DMD: variants seen among roughly 807,000 people sequenced by gnomAD.
The protein encoded by DMD is dystrophin.
In DMD, 63 loss-of-function variants were observed where a neutral mutation model predicts 330.1. The ratio of observed to expected loss-of-function variants is 0.19; its 90% CI spans 0.16 to 0.24. The LOEUF (loss-of-function observed/expected upper bound fraction) is 0.24. Ranked by LOEUF, DMD falls within the 10% of genes least tolerant of loss-of-function variation. The pLI is 1.00. For missense variants in DMD, 3,344 were observed against 2,684.1 expected, an observed-to-expected ratio of 1.25 and a Z score of -5.43; for synonymous variants, 1,223 against 959.8, an observed-to-expected ratio of 1.27 and a Z score of -5.07.
chrX:32,705,798 C>A (rs1383776965), intron 7 of DMD, among the ~76,000 whole-genome samples: 4 of 111,428 alleles, frequency 3.6e-5, no homozygotes, highest in African/African-American at 1.3e-4. Context: ...AGCATTTTTT[C>A]ATGTGTTTTT....
At chrX:31,179,698 T>C (rs766813372) in intron 69 of DMD, among the ~76,000 whole-genome samples, 1 of 111,792 alleles carries the variant, frequency 8.9e-6, no homozygotes, top group African/African-American at 3.2e-5. Context: ...ATCCTTGCCA[T>C]TTCCCTAGTG....
chrX:33,260,493 G>A (rs749255440), intron 1 of DMD, among the ~76,000 whole-genome samples: 13 of 110,437 alleles, frequency 1.2e-4, no homozygotes, highest in African/African-American at 4.3e-4. Flanking sequence ...TAAAATTAGC[G>A]AAGACAAGAG....
intron 7 of DMD, among the ~76,000 whole-genome samples, chrX:32,736,315 G>A (rs2068477216): frequency 9.0e-6 from 1 of 111,467 alleles, no homozygotes; most frequent in African/African-American, 3.3e-5. Context: ...TTCACTGTTG[G>A]TGGGACTGTA....
intron 1 of DMD, among the ~76,000 whole-genome samples, chrX:33,310,849 T>C (rs2053837380): frequency 9.0e-6 from 1 of 111,203 alleles, no homozygotes; most frequent in South Asian, 3.7e-4. Flanking sequence ...AAAATTTTTA[T>C]AGCTGTAATG....
chrX:32,132,993 C>CT lies in DMD; in HGVS notation c.6438+83922dup, dbSNP rs377615262. ...TCTCATTGATCACTCCTTTTCTTTT[C>CT]TTTTTTTTTTTTTTTTTTTTTTTTT... On this transcript the variant is annotated intron_variant, in intron 44 of 78. Transcript: ENST00000357033. 5.1e-3 allele frequency among the ~76,000 whole-genome samples: 389 copies of CT among 75,726 alleles called. 7 individuals carry two copies. Among genetic ancestry groups the CT allele is most frequent in the Non-Finnish European group, 6.6e-3 (297 of 44,682 alleles). 65.8% of individuals were successfully genotyped at this position (75,726 alleles called of 115,157 possible). A position where few individuals can be genotyped will look rare whatever the true frequency, so the allele number is the denominator to read the frequency against.
At chrX:31,480,724 T>TA (rs985061709) in intron 57 of DMD, among the ~76,000 whole-genome samples, 1 of 111,011 alleles carries the variant, frequency 9.0e-6, no homozygotes, top group Admixed American at 9.7e-5. Context: ...TTACTAATTA[T>TA]AAAAATAATA....
chrX:32,119,101 G>A (rs1030904733), intron 44 of DMD, among the ~76,000 whole-genome samples: 2 of 110,530 alleles, frequency 1.8e-5, no homozygotes, highest in Admixed American at 9.6e-5. Flanking sequence ...AAAGGAAAGC[G>A]GGCAGATCAC....
At chrX:31,123,282 T>TATC (rs1302162031) in intron 78 of DMD, among the ~76,000 whole-genome samples, 4 of 112,396 alleles carry the variant, frequency 3.6e-5, no homozygotes, top group African/African-American at 6.4e-5. Flanking sequence ...TTTGTATATC[T>TATC]ATCTTTTTGT....
At chrX:32,775,679 T>A (rs1329223386) in intron 7 of DMD, among the ~76,000 whole-genome samples, 1 of 113,035 alleles carries the variant, frequency 8.8e-6, no homozygotes, top group African/African-American at 3.2e-5. Flanking sequence ...GCCTTGGGCC[T>A]GGCCCACCAA....
intron 1 of DMD, among the ~76,000 whole-genome samples, chrX:33,198,596 G>A (rs1042658305): frequency 1.8e-5 from 2 of 111,374 alleles, no homozygotes; most frequent in African/African-American, 6.5e-5. Flanking sequence ...CTGTAATTAT[G>A]TTCATTAAAG....
intron 51 of DMD, among the ~76,000 whole-genome samples, chrX:31,738,605 T>C (rs1488907871): frequency 8.9e-6 from 1 of 112,074 alleles, no homozygotes; most frequent in Non-Finnish European, 1.9e-5. Flanking sequence ...AATCAGTATA[T>C]TGAAGAGATA....
intron 1 of DMD, among the ~76,000 whole-genome samples, chrX:33,021,699 T>A (rs1186041264): frequency 1.8e-5 from 2 of 111,750 alleles, no homozygotes; most frequent in African/African-American, 6.5e-5. Context: ...TAAATAAATT[T>A]CAAACTGTCA....
chrX:32,503,657 G>A (rs1362500700), intron 18 of DMD, among the ~76,000 whole-genome samples: 2 of 110,959 alleles, frequency 1.8e-5, no homozygotes, highest in Non-Finnish European at 3.8e-5. Context: ...CCGGGTTCAA[G>A]CAACTCTCCT....
intron 21 of DMD, among the ~76,000 whole-genome samples, chrX:32,482,616 T>C (rs1336692885): frequency 9.0e-6 from 1 of 111,730 alleles, no homozygotes; most frequent in Non-Finnish European, 1.9e-5. Context: ...TGGACATTCG[T>C]GTATACGATC....
In DMD at chrX:31,929,625, G is replaced by A. The variant is rs762298935; in HGVS notation, c.6883C>T (p.Leu2295Phe). 2 of 1,211,125 alleles carry A rather than the reference G, an allele frequency of 1.7e-6. No individual in the cohort carries two copies. Among genetic ancestry groups the A allele is most frequent in the Non-Finnish European group, 2.2e-6 (2 of 895,284 alleles). The change falls in exon 47 of 79, where the codon CTC (leucine) becomes TTC (phenylalanine). Residue 2295 changes from leucine (L) to phenylalanine (F), a missense_variant. Coordinates refer to ENST00000357033, the MANE Select transcript of DMD (RefSeq NM_004006.3). The stretch of plus-strand genomic sequence containing the variant: ...ATCCACTGGAGATTTGTCTGCTTGA[G>A]CTTATTTTCAAGTTTATCTTGCTCT... ...PEEQDKLENK[L>F]KQTNLQWIKV...
intron 55 of DMD, among the ~76,000 whole-genome samples, chrX:31,578,443 G>C (rs1334418646): frequency 1.8e-5 from 2 of 111,930 alleles, no homozygotes; most frequent in African/African-American, 6.5e-5. Context: ...ACAGATGTAA[G>C]AAAAATTGCC....
chrX:31,944,349 A>G (rs1443573805), intron 45 of DMD, among the ~76,000 whole-genome samples: 3 of 112,470 alleles, frequency 2.7e-5, no homozygotes, highest in African/African-American at 6.5e-5. Flanking sequence ...GCAAAAATGT[A>G]AAACAAGATC....
intron 7 of DMD, among the ~76,000 whole-genome samples, chrX:32,738,827 C>A (rs1288703109): frequency 9.0e-6 from 1 of 111,506 alleles, no homozygotes; most frequent in Non-Finnish European, 1.9e-5. Context: ...GTCCCAAATT[C>A]ATAGAAATGA....
At chrX:32,439,152 T>C (rs967633178) in intron 28 of DMD, among the ~76,000 whole-genome samples, 3 of 111,662 alleles carry the variant, frequency 2.7e-5, no homozygotes, top group Admixed American at 9.6e-5. Context: ...CTCAAACATA[T>C]CTATAAAATA....
Sources: allele counts gnomAD v4.1 joint callset (sites outside exome capture counted in the v4.1 genomes callset), GRCh38; gene constraint gnomAD v4.1.1; transcripts MANE v1.5; gene names NCBI Gene and HGNC (gene_info 2026-07-23, HGNC 2026-07-21).